The following DOCK1 variants were observed in gnomAD, a reference collection of about 807,000 sequenced individuals.
The protein encoded by DOCK1 is dedicator of cytokinesis 1.
DOCK1 carries 138 observed loss-of-function variants against 262.7 expected under a neutral mutation model. The ratio of observed to expected loss-of-function variants is 0.53; its 90% CI spans 0.46 to 0.61. The LOEUF is 0.61. Among genes scored for constraint, DOCK1 ranks in the 20% least tolerant of loss-of-function variants. DOCK1 has a pLI of 0.00. For synonymous variants in DOCK1, 866 were observed against 867.4 expected (o/e 1.00, Z 0.03); for missense variants, 1,908 against 2,370.7 (o/e 0.80, Z 4.05).
chr10:127,389,387 G>A (rs138095499), intron 38 of DOCK1, among the ~76,000 whole-genome samples: 79 of 152,296 alleles, frequency 5.2e-4, no homozygotes, highest in African/African-American at 1.7e-3. Flanking sequence ...AGGTTGAGAA[G>A]CTTGAAGTTG....
At chr10:127,371,255 T>A (rs562782153) in intron 33 of DOCK1, among the ~76,000 whole-genome samples, 1 of 152,238 alleles carries the variant, frequency 6.6e-6, no homozygotes, top group Non-Finnish European at 1.5e-5. Context: ...TGGTACTGAA[T>A]CCTTGCTAAT....
intron 22 of DOCK1, among the ~76,000 whole-genome samples, chr10:127,056,992 C>T (rs991897941): frequency 8.1e-5 from 12 of 148,170 alleles, no homozygotes; most frequent in Admixed American, 3.4e-4. Context: ...TCCCCATCAT[C>T]CCACCACAGC....
At chr10:127,374,252 A>C in intron 35 of DOCK1, 38 bp downstream of exon 35, 1 of 1,580,696 alleles carries the variant, frequency 6.3e-7, no homozygotes, top group Non-Finnish European at 8.6e-7. Context: ...CAGTTTTCAC[A>C]GCACACCAGA....
At chr10:126,979,767 T>C (rs953466557) in intron 3 of DOCK1, among the ~76,000 whole-genome samples, 6 of 152,156 alleles carry the variant, frequency 3.9e-5, no homozygotes, top group Admixed American at 6.5e-5. Context: ...ATTATAAATT[T>C]GTAAGGGGCC....
At chr10:127,095,180 C>A (rs887474032) in intron 23 of DOCK1, among the ~76,000 whole-genome samples, 1 of 152,194 alleles carries the variant, frequency 6.6e-6, no homozygotes, top group African/African-American at 2.4e-5. Context: ...GGTGTTCTTG[C>A]TGTCTGTGCT....
chr10:127,091,654 G>A (rs189455624), intron 23 of DOCK1, among the ~76,000 whole-genome samples: 209 of 152,344 alleles, frequency 1.4e-3, no homozygotes, highest in Admixed American at 2.5e-3. Context: ...CAGCAAATCC[G>A]TCTTGAGATT....
At chr10:127,156,749 G>T (rs547905940) in intron 27 of DOCK1, among the ~76,000 whole-genome samples, 1 of 151,704 alleles carries the variant, frequency 6.6e-6, no homozygotes, top group African/African-American at 2.4e-5. Context: ...TGTATTTTTA[G>T]TAGAGACGGG....
Position 127,446,815 on chromosome 10 carries a change from T to A in DOCK1, c.5414-579T>A, listed in dbSNP as rs570663181. On this transcript the variant is annotated intron_variant, in intron 50 of 51. Transcript: ENST00000623213. The surrounding 1 kb of genome is among the most constrained non-coding windows in gnomAD (Gnocchi z 4.4). ...TTTTCCAGTTTACTTTAAAAATCAA[T>A]TGTACTTCCCCTTGGCTTATTTAAA... Among the ~76,000 whole-genome samples the A allele has an allele frequency of 6.6e-6, 1 of 152,216 alleles. No individual in the cohort carries two copies. Among genetic ancestry groups the A allele is most frequent in the Non-Finnish European group, 1.5e-5 (1 of 68,042 alleles).
chr10:127,332,594 C>T (rs7901399), intron 29 of DOCK1, among the ~76,000 whole-genome samples: 2,675 of 152,216 alleles, frequency 0.018, 92 homozygotes, highest in African/African-American at 0.061. Flanking sequence ...CACCTCATTC[C>T]GAAAACTTTC....
intron 14 of DOCK1, among the ~76,000 whole-genome samples, chr10:127,024,430 GT>G (rs1197316355): frequency 2.6e-5 from 4 of 152,196 alleles, no homozygotes; most frequent in Non-Finnish European, 5.9e-5. Context: ...AGGGTTGAGG[GT>G]CTGGGGAACT....
chr10:127,402,472 A>C (rs540002706), intron 38 of DOCK1, among the ~76,000 whole-genome samples: 2 of 152,342 alleles, frequency 1.3e-5, no homozygotes, highest in South Asian at 4.1e-4. Flanking sequence ...CTTACCTTAC[A>C]AAGTTCCCCC....
intron 2 of DOCK1, among the ~76,000 whole-genome samples, chr10:126,972,191 C>T (rs1331871756): frequency 6.6e-6 from 1 of 152,200 alleles, no homozygotes; most frequent in Admixed American, 6.5e-5. Flanking sequence ...GCTAGGATTA[C>T]AGGCATGAGC....
intron 23 of DOCK1, among the ~76,000 whole-genome samples, chr10:127,063,001 G>A (rs2045632393): frequency 6.6e-6 from 1 of 152,166 alleles, no homozygotes; most frequent in Admixed American, 6.5e-5. Flanking sequence ...GGAAGTGCCT[G>A]GGAGGCCCAT....
chr10:127,266,060 G>A (rs921452359), intron 29 of DOCK1, among the ~76,000 whole-genome samples: 8 of 152,244 alleles, frequency 5.3e-5, no homozygotes, highest in African/African-American at 1.7e-4. Context: ...TAGTGCCCAC[G>A]TGCAGGGGGC....
chr10:127,120,306 C>G (rs1278669480), intron 25 of DOCK1, among the ~76,000 whole-genome samples: 1 of 152,204 alleles, frequency 6.6e-6, no homozygotes, highest in Non-Finnish European at 1.5e-5. Context: ...AAGTCACATA[C>G]AAGGTCTTTA....
intron 23 of DOCK1, among the ~76,000 whole-genome samples, chr10:127,086,889 T>C (rs913786605): frequency 6.6e-6 from 1 of 152,238 alleles, no homozygotes; most frequent in Non-Finnish European, 1.5e-5. Context: ...TAACGTGTTT[T>C]AGTAGGCACT....
intron 19 of DOCK1, among the ~76,000 whole-genome samples, chr10:127,039,702 C>G (rs2043890305): frequency 1.3e-5 from 2 of 152,160 alleles, no homozygotes; most frequent in South Asian, 4.1e-4. Flanking sequence ...TTCCTGCCTG[C>G]ACGGGGCTCC....
At chr10:127,010,734 G>A (rs1362584489) in intron 11 of DOCK1, among the ~76,000 whole-genome samples, 1 of 152,150 alleles carries the variant, frequency 6.6e-6, no homozygotes, top group East Asian at 1.9e-4. Flanking sequence ...TGGAACATGG[G>A]CAGATATTGA....
chr10:127,246,403 C>T (rs138579206), intron 27 of DOCK1, among the ~76,000 whole-genome samples: 5 of 152,316 alleles, frequency 3.3e-5, no homozygotes, highest in South Asian at 2.1e-4. Flanking sequence ...CGATTATCCA[C>T]GGGACACATC....
Sources: allele counts gnomAD v4.1 joint callset (sites outside exome capture counted in the v4.1 genomes callset), GRCh38; gene constraint gnomAD v4.1.1; non-coding constraint Gnocchi (gnomAD v3.1); transcripts MANE v1.5; gene names NCBI Gene and HGNC (gene_info 2026-07-23, HGNC 2026-07-21).